Variants in AKAP8L observed in about 807,000 individuals in gnomAD.
AKAP8L encodes the protein A-kinase anchor protein 8-like.
AKAP8L carries 34 observed loss-of-function variants against 77.5 expected under a neutral mutation model. That is an observed-to-expected ratio of 0.44 (90% CI 0.33 to 0.58). The LOEUF (loss-of-function observed/expected upper bound fraction) is 0.58. Ranked by LOEUF, AKAP8L falls within the 20% of genes least tolerant of loss-of-function variation. AKAP8L has a pLI of 0.02. For missense variants in AKAP8L, 806 were observed against 887.6 expected (o/e 0.91, Z 1.17); for synonymous variants, 342 against 340.7 (o/e 1.00, Z -0.04).
chr19:15,381,965 T>A (rs566587167), intron 12 of AKAP8L: 6 of 152,370 alleles, frequency 3.9e-5, no homozygotes, highest in African/African-American at 1.4e-4. Context: ...TTGCAAGTCA[T>A]GCTTCTTCCA....
At chr19:15,410,430 T>G (rs1323986826) in intron 2 of AKAP8L, 90 bp downstream of exon 2, 2 of 1,130,470 alleles carry the variant, frequency 1.8e-6, no homozygotes, top group Non-Finnish European at 2.6e-6. Context: ...TAAAAAAGCA[T>G]GACAGGGTGA....
rs989900609 is a variant in AKAP8L at position 15,403,068 on chromosome 19, C to A, written c.362+407G>T. ...TGGGGGTGGCCCAGCTCGCAGTGAT[C>A]AGCCCCAAACGCTCGTCCCACCCTT... On this transcript the variant is annotated intron_variant, in intron 4 of 13. Transcript: ENST00000397410. This position sits in a 1 kb window ranked among gnomAD's most constrained non-coding sequence, Gnocchi z 4.3. Among the ~76,000 whole-genome samples, 2 of 152,192 alleles carry A rather than the reference C, an allele frequency of 1.3e-5. No homozygotes were observed. Among genetic ancestry groups the A allele is most frequent in the African/African-American group, 4.8e-5 (2 of 41,444 alleles).
At chr19:15,380,681 C>A (rs1457240239) in intron 12 of AKAP8L, 69 bp from the exon 13 acceptor site, 21 of 1,510,678 alleles carry the variant, frequency 1.4e-5, no homozygotes, top group Non-Finnish European at 1.9e-5. Context: ...CCCGACCCTG[C>A]CAGCTTAGAG....
chr19:15,412,735 G>A (rs1292443002), intron 1 of AKAP8L, among the ~76,000 whole-genome samples: 1 of 152,136 alleles, frequency 6.6e-6, no homozygotes, highest in Non-Finnish European at 1.5e-5. Context: ...GTAGAGATGG[G>A]GTTTCACCAT....
At chr19:15,410,891 C>T (rs1227140528) in intron 1 of AKAP8L, among the ~76,000 whole-genome samples, 1 of 152,234 alleles carries the variant, frequency 6.6e-6, no homozygotes, top group Non-Finnish European at 1.5e-5. Flanking sequence ...CGGCTCACTG[C>T]AACCTCGACC....
chr19:15,400,472 G>T, intron 7 of AKAP8L, 114 bp from the exon 8 acceptor site: 1 of 1,091,838 alleles, frequency 9.2e-7, no homozygotes, highest in Non-Finnish European at 1.3e-6. Flanking sequence ...TCCATAGACA[G>T]AGCAGGGCTA....
At position 15,397,534 on chromosome 19, in the gene AKAP8L, T is replaced by C. The variant is rs1410611038; in HGVS notation, c.1391A>G (p.Gln464Arg). ...DGLIQQIYRD[Q>R]DLTQEIAMEH... Reference sequence around the variant, plus strand: ...AATCTCCTCACCCTGGGTCAGATCCTGGTCTCTGTAGATTTGCTGGATGAG... The same window carrying C: ...AATCTCCTCACCCTGGGTCAGATCCCGGTCTCTGTAGATTTGCTGGATGAG... Residue 464 changes from glutamine (Q) to arginine (R), a missense_variant, in exon 11 of 14, where the codon CAG (glutamine) becomes CGG (arginine). Transcript: ENST00000397410. The surrounding 1 kb of genome is among the most constrained non-coding windows in gnomAD (Gnocchi z 4.7). 2 of 1,613,102 alleles carry C rather than the reference T, an allele frequency of 1.2e-6. No homozygotes were observed. The highest frequency in any genetic ancestry group is 1.7e-6 in the Non-Finnish European group (2 of 1,179,702).
chr19:15,382,572 AT>A (rs1429384290), intron 12 of AKAP8L, among the ~76,000 whole-genome samples: 16 of 152,156 alleles, frequency 1.1e-4, no homozygotes. Flanking sequence ...AGTCTTTCAG[AT>A]TTTGATTTGC....
At position 15,399,304 on chromosome 19, in the gene AKAP8L, T is replaced by A; in HGVS notation, c.1155A>T (p.Glu385Asp). ...QKKRQRDRMV[E>D]RIQFVCSLCK... ...AGGGGTGGAGGGAAGCTGGTTACCT[T>A]TCCACCATGCGGTCTCGCTGCCGCT... The change falls in exon 9 of 14, where the codon GAA (glutamate) becomes GAT (aspartate). Residue 385 changes from glutamate (E) to aspartate (D), a missense_variant and splice_region_variant. Physicochemically the swap from Glu to Asp is conservative, Grantham distance 45 (BLOSUM62 2). Around this residue, in one of 2 missense-constraint regions of AKAP8L, gnomAD observed 580 missense variants for 694.1 expected, o/e 0.84. Transcript: ENST00000397410. This position sits in a 1 kb window ranked among gnomAD's most constrained non-coding sequence, Gnocchi z 6.1. 6 of 1,613,394 alleles carry A rather than the reference T, an allele frequency of 3.7e-6. No homozygotes were observed. Among genetic ancestry groups the A allele is most frequent in the Non-Finnish European group, 5.1e-6 (6 of 1,179,470 alleles).
chr19:15,410,233 G>A (rs989627288), intron 2 of AKAP8L, among the ~76,000 whole-genome samples: 4 of 152,098 alleles, frequency 2.6e-5, no homozygotes, highest in African/African-American at 9.7e-5. Context: ...AGGAGCCACC[G>A]CGCCTGGCCT....
At chr19:15,407,880 TAAA>T (rs1227421840) in intron 2 of AKAP8L, among the ~76,000 whole-genome samples, 2 of 152,262 alleles carry the variant, frequency 1.3e-5, no homozygotes, top group African/African-American at 4.8e-5. Context: ...ATGAATTTTT[TAAA>T]AAACTTCATA....
At chr19:15,418,303 G>A (rs891560871) in intron 1 of AKAP8L, among the ~76,000 whole-genome samples, 1 of 152,210 alleles carries the variant, frequency 6.6e-6, no homozygotes, top group Admixed American at 6.5e-5. Context: ...CAGACGCAGA[G>A]GGAATTAACA....
intron 2 of AKAP8L, among the ~76,000 whole-genome samples, chr19:15,405,942 GA>G (rs1315689882): frequency 6.6e-6 from 1 of 151,828 alleles, no homozygotes. Context: ...AGAAAGAAAA[GA>G]AAAAGAAAAT....
In AKAP8L at chr19:15,380,622, G is replaced by A. The variant is rs751125264; in HGVS notation, c.1537-10C>T. The A allele has an allele frequency of 6.2e-7, 1 of 1,612,832 alleles. No homozygotes were observed. The highest frequency in any genetic ancestry group is 1.1e-5 in the South Asian group (1 of 91,062). On this transcript the variant is annotated splice_polypyrimidine_tract_variant and intron_variant, in intron 12 of 13. Transcript: ENST00000397410. ...ACTGCTCCATCATGAGCTGCGGGCA[G>A]GGCAGAAGGAGCTGGAGAGGCTGCT...
At chr19:15,400,161 A>G (rs1967862035) in intron 8 of AKAP8L, 134 bp downstream of exon 8, 6 of 867,512 alleles carry the variant, frequency 6.9e-6, no homozygotes, top group Non-Finnish European at 1.1e-5. Context: ...GCCCCCTGCC[A>G]GCACACACTC....
chr19:15,399,616 G>A lies in AKAP8L; in HGVS notation c.1049-206C>T. 1.7e-6 allele frequency: 1 copy of A among 586,076 alleles called. No homozygotes were observed. The highest frequency in any genetic ancestry group is 3.1e-6 in the Non-Finnish European group (1 of 327,288). The allele number at this position is 586,076 out of a possible 1,614,324, so 36.3% of individuals were successfully genotyped here. Reference sequence around the variant, plus strand: ...CCTAGGCCCCAAGGAGTGGGGGCCAGGCGATGACCCCTCCACTCTCCAGGA... The same window carrying A: ...CCTAGGCCCCAAGGAGTGGGGGCCAAGCGATGACCCCTCCACTCTCCAGGA... On this transcript the variant is annotated intron_variant, in intron 8 of 13. Coordinates refer to ENST00000397410, the MANE Select transcript of AKAP8L (RefSeq NM_014371.4). This position sits in a 1 kb window ranked among gnomAD's most constrained non-coding sequence, Gnocchi z 6.1.
In AKAP8L at chr19:15,399,542, G is replaced by A. The variant is rs1967847754; in HGVS notation, c.1049-132C>T. 1 of 720,330 alleles carries A rather than the reference G, an allele frequency of 1.4e-6. No homozygotes were observed. Among genetic ancestry groups the A allele is most frequent in the Non-Finnish European group, 2.5e-6 (1 of 407,604 alleles). 44.6% of individuals were successfully genotyped at this position (720,330 alleles called of 1,614,324 possible). A position where few individuals can be genotyped will look rare whatever the true frequency, so the allele number is the denominator to read the frequency against. On this transcript the variant is annotated intron_variant, in intron 8 of 13. Transcript: ENST00000397410. The surrounding 1 kb of genome is among the most constrained non-coding windows in gnomAD (Gnocchi z 6.1). Reference sequence around the variant, plus strand: ...GAATAGCTGTCCAAGCAAGGCCTCTGGCCATGAGCAGGGCTGGGTATCCTG... The same window carrying A: ...GAATAGCTGTCCAAGCAAGGCCTCTAGCCATGAGCAGGGCTGGGTATCCTG...
intron 1 of AKAP8L, among the ~76,000 whole-genome samples, chr19:15,414,308 C>T (rs1968162621): frequency 6.6e-6 from 1 of 152,124 alleles, no homozygotes; most frequent in Non-Finnish European, 1.5e-5. Context: ...CTGCCCGCCT[C>T]GGTCTCCCAA....
chr19:15,418,977 C>T lies in AKAP8L; in HGVS notation c.-54G>A. The T allele has an allele frequency of 3.7e-6, 6 of 1,602,084 alleles. No homozygotes were observed. The highest frequency in any genetic ancestry group is 1.3e-5 in the African/African-American group (1 of 75,022). On this transcript the variant is annotated 5_prime_UTR_variant, in exon 1 of 14. Coordinates refer to ENST00000397410, the MANE Select transcript of AKAP8L (RefSeq NM_014371.4). The stretch of plus-strand genomic sequence containing the variant: ...GCCGGCTTCTGCTGCTCTGAACATC[C>T]GACGCTGCGATAGCTGCTGCTAACC...
Sources: gnomAD v4.1 joint callset for allele counts (sites outside exome capture counted in the v4.1 genomes callset) on GRCh38, gnomAD v4.1.1 for gene constraint, gnomAD v4.1.1 regional missense constraint, Gnocchi (gnomAD v3.1) non-coding constraint, MANE v1.5 for transcripts, NCBI Gene and HGNC (gene_info 2026-07-23, HGNC 2026-07-21) for gene names.